MGME1: variants seen among roughly 807,000 people sequenced by gnomAD.
MGME1 encodes the protein mitochondrial genome maintenance exonuclease 1.
MGME1 carries 22 observed loss-of-function variants against 33.0 expected under a neutral mutation model. That is an observed-to-expected ratio of 0.67 (90% CI 0.48 to 0.95). MGME1 has a LOEUF of 0.95. MGME1 is among the 40% of genes least tolerant of loss of function. The pLI, the probability that MGME1 is intolerant of heterozygous loss-of-function variation, is 0.00. For missense variants in MGME1, 383 were observed against 397.8 expected (o/e 0.96, Z 0.32); for synonymous variants, 133 against 144.0 (o/e 0.92, Z 0.55).
At chr20:17,984,563 G>A (rs1479239792) in intron 3 of MGME1, among the ~76,000 whole-genome samples, 1 of 151,968 alleles carries the variant, frequency 6.6e-6, no homozygotes, top group African/African-American at 2.4e-5. Flanking sequence ...ACTATTACTG[G>A]CATAAGCTGG....
intron 3 of MGME1, among the ~76,000 whole-genome samples, chr20:17,977,100 G>T (rs944608326): frequency 1.5e-4 from 23 of 152,062 alleles, no homozygotes; most frequent in Admixed American, 2.6e-4. Context: ...TTGAAGGCAG[G>T]CACAGTGGCT....
Position 17,989,246 on chromosome 20 carries a change from C to T in MGME1, c.865-693C>T, listed in dbSNP as rs186553009. ...ACTAAAAATACAAAAATTAGCTGGG[C>T]GTGGTGGTGTGTGCCTCTAGTCCCA... On this transcript the variant is annotated intron_variant, in intron 4 of 4. Transcript: ENST00000377710. Among the ~76,000 whole-genome samples the T allele has an allele frequency of 9.8e-3, 1,479 of 150,846 alleles. 18 individuals are homozygous for T. Among genetic ancestry groups the T allele is most frequent in the African/African-American group, 0.034 (1,387 of 40,990 alleles).
chr20:17,974,693 T>C (rs1421508848), intron 2 of MGME1, among the ~76,000 whole-genome samples: 3 of 151,900 alleles, frequency 2.0e-5, no homozygotes, highest in African/African-American at 7.3e-5. Flanking sequence ...TAAAGCTAAT[T>C]AGAAAAATAT....
At chr20:17,989,539 ACTC>A (rs917726331) in intron 4 of MGME1, among the ~76,000 whole-genome samples, 6 of 150,584 alleles carry the variant, frequency 4.0e-5, no homozygotes, top group Admixed American at 6.6e-5. Flanking sequence ...ACGTGACAAA[ACTC>A]CATCATTACT....
chr20:17,969,711 T>C (rs771362987), intron 1 of MGME1, 90 bp from the exon 2 acceptor site: 1 of 758,986 alleles, frequency 1.3e-6, no homozygotes, highest in East Asian at 2.8e-5. Flanking sequence ...GAAAGGGCTC[T>C]GTCCAAACAT....
At chr20:17,972,139 AATTG>A (rs1163971913) in intron 2 of MGME1, among the ~76,000 whole-genome samples, 1 of 152,210 alleles carries the variant, frequency 6.6e-6, no homozygotes, top group African/African-American at 2.4e-5. Flanking sequence ...GGGCTCACTA[AATTG>A]ATTAACGGGT....
At chr20:17,987,188 A>AG (rs2036175614) in intron 3 of MGME1, among the ~76,000 whole-genome samples, 1 of 129,614 alleles carries the variant, frequency 7.7e-6, no homozygotes, top group African/African-American at 4.0e-5. Flanking sequence ...AAAAAAAAAA[A>AG]AGAAGAACCA....
intron 2 of MGME1, among the ~76,000 whole-genome samples, chr20:17,973,784 T>TA (rs1428511077): frequency 6.6e-6 from 1 of 152,240 alleles, no homozygotes; most frequent in African/African-American, 2.4e-5. Flanking sequence ...TCCTTTGCTC[T>TA]ACTGTGTGGT....
intron 2 of MGME1, among the ~76,000 whole-genome samples, chr20:17,973,798 T>C (rs2035788427): frequency 6.6e-6 from 1 of 152,202 alleles, no homozygotes; most frequent in African/African-American, 2.4e-5. Context: ...GTGTGGTAGA[T>C]TGGAAACAGA....
intron 2 of MGME1, among the ~76,000 whole-genome samples, chr20:17,973,305 C>T (rs2035776007): frequency 6.6e-6 from 1 of 151,980 alleles, no homozygotes; most frequent in Non-Finnish European, 1.5e-5. Flanking sequence ...GATCATACCA[C>T]TGCACTCCAG....
At chr20:17,975,580 G>A (rs1246698204) in intron 2 of MGME1, 104 bp from the exon 3 acceptor site, 3 of 766,830 alleles carry the variant, frequency 3.9e-6, no homozygotes, top group Non-Finnish European at 6.3e-6. Flanking sequence ...AAAAAAAAAT[G>A]TCATTTTTAA....
chr20:17,969,830 G>T lies in MGME1; in HGVS notation c.-30G>T. ...ACAAACATAAAGGCCTTCGACCGTT[G>T]CAAATAGACTAAAGTGAAAACAAAT... On this transcript the variant is annotated 5_prime_UTR_variant, in exon 2 of 5. Coordinates refer to ENST00000377710, the MANE Select transcript of MGME1 (RefSeq NM_052865.4). 1.3e-6 allele frequency: 2 copies of T among 1,572,906 alleles called. No homozygotes were observed. The highest frequency in any genetic ancestry group is 1.7e-6 in the Non-Finnish European group (2 of 1,163,872).
At position 17,990,142 on chromosome 20, in the gene MGME1, C is replaced by T. The variant is rs2036258817; in HGVS notation, c.*33C>T. The stretch of plus-strand genomic sequence containing the variant: ...GTTGCTATTTGGGAACATTCAGCAC[C>T]TTCTCACAGTTTGGGAACATATATT... On this transcript the variant is annotated 3_prime_UTR_variant, in exon 5 of 5. Coordinates refer to ENST00000377710, the MANE Select transcript of MGME1 (RefSeq NM_052865.4). 1 of 1,598,718 alleles carries T rather than the reference C, an allele frequency of 6.3e-7. No individual in the cohort carries two copies.
intron 4 of MGME1, among the ~76,000 whole-genome samples, chr20:17,989,197 C>T (rs2036228885): frequency 1.3e-5 from 2 of 151,414 alleles, no homozygotes; most frequent in Admixed American, 1.3e-4. Context: ...ACCAGCTTGG[C>T]TGACATGGCG....
chr20:17,969,689 C>G (rs1327648378), intron 1 of MGME1, 112 bp from the exon 2 acceptor site: 4 of 647,132 alleles, frequency 6.2e-6, no homozygotes, highest in Non-Finnish European at 1.0e-5. Context: ...CTCGCTCTGT[C>G]GACTTTCTTA....
At position 17,975,699 on chromosome 20, in the gene MGME1, G is replaced by A; in HGVS notation, c.527G>A (p.Gly176Glu). 1 of 1,613,494 alleles carries A rather than the reference G, an allele frequency of 6.2e-7. No individual in the cohort carries two copies. The highest frequency in any genetic ancestry group is 8.5e-7 in the Non-Finnish European group (1 of 1,179,546). The change falls in exon 3 of 5, where the codon GGG (glycine) becomes GAG (glutamate). Residue 176 changes from glycine (G) to glutamate (E), a missense_variant. Physicochemically the swap from Gly to Glu is moderately conservative, Grantham distance 98 (BLOSUM62 -2). Coordinates refer to ENST00000377710, the MANE Select transcript of MGME1 (RefSeq NM_052865.4). ...KEYTSNVFLQGKRFHEALESI... is the reference protein window; with the variant it reads ...KEYTSNVFLQEKRFHEALESI... The stretch of plus-strand genomic sequence containing the variant: ...TTCTTTTCAGACGTCTTTTTACAAG[G>A]GAAACGGTTCCACGAAGCCTTGGAA...
chr20:17,984,122 T>C (rs552672637), intron 3 of MGME1, among the ~76,000 whole-genome samples: 3 of 152,316 alleles, frequency 2.0e-5, no homozygotes, highest in Admixed American at 6.5e-5. Flanking sequence ...TTCATTCTTA[T>C]GCAAGTCGAT....
intron 3 of MGME1, among the ~76,000 whole-genome samples, chr20:17,987,170 TAAAAAAA>T (rs373017515): frequency 8.2e-6 from 1 of 122,410 alleles, no homozygotes. Flanking sequence ...AGACTCCATC[TAAAAAAA>T]AAAAAAAAAA....
Position 17,990,243 on chromosome 20 carries a change from G to A in MGME1, c.*134G>A. 1 of 773,608 alleles carries A rather than the reference G, an allele frequency of 1.3e-6. No homozygotes were observed. Among genetic ancestry groups the A allele is most frequent in the Non-Finnish European group, 2.1e-6 (1 of 465,348 alleles). 47.9% of individuals were successfully genotyped at this position (773,608 alleles called of 1,614,324 possible). A position where few individuals can be genotyped will look rare whatever the true frequency, so the allele number is the denominator to read the frequency against. ...CGAACACAAGTAGAAGTATTAATTTGTTGAAATGTGTTGTTACCAAAAAGA... is the reference window on the plus strand; with the variant it reads ...CGAACACAAGTAGAAGTATTAATTTATTGAAATGTGTTGTTACCAAAAAGA... On this transcript the variant is annotated 3_prime_UTR_variant, in exon 5 of 5. Transcript: ENST00000377710.
Sources: gnomAD v4.1 joint callset for allele counts (sites outside exome capture counted in the v4.1 genomes callset) on GRCh38, gnomAD v4.1.1 for gene constraint, MANE v1.5 for transcripts, NCBI Gene and HGNC (gene_info 2026-07-23, HGNC 2026-07-21) for gene names.